C14orf180: variants seen among roughly 807,000 people sequenced by gnomAD.
C14orf180 encodes the protein chromosome 14 open reading frame 180, also known as nutritionally-regulated adipose and cardiac enriched protein homolog.
Under a neutral mutation model 13.9 loss-of-function variants are expected in C14orf180, and 13 were observed. The ratio of observed to expected loss-of-function variants is 0.94; its 90% CI spans 0.61 to 1.49. The LOEUF is 1.49. Ranked by LOEUF, C14orf180 falls within the 40% of genes most tolerant of loss-of-function variation. The probability of loss-of-function intolerance (pLI) is 0.00; values close to 1 mark genes in which losing one functional copy is unlikely to be tolerated. For missense variants in C14orf180, 238 were observed against 232.0 expected (o/e 1.03, Z -0.17); for synonymous variants, 113 against 106.3 (o/e 1.06, Z -0.39).
At chr14:104,588,175 T>C (rs1231288625) in intron 3 of C14orf180, 99 bp from the exon 4 acceptor site, 3 of 1,438,612 alleles carry the variant, frequency 2.1e-6, no homozygotes, top group Non-Finnish European at 2.9e-6. Context: ...TGATGAATAG[T>C]CTCAGGGTCC....
intron 1 of C14orf180, among the ~76,000 whole-genome samples, chr14:104,583,018 A>G (rs1343331604): frequency 6.6e-6 from 1 of 152,196 alleles, no homozygotes; most frequent in Non-Finnish European, 1.5e-5. Flanking sequence ...GACAGAGCCC[A>G]GGACTTGAGC....
intron 3 of C14orf180, among the ~76,000 whole-genome samples, 170 bp downstream of exon 3, chr14:104,588,048 T>C (rs1158058185): frequency 6.6e-6 from 1 of 152,190 alleles, no homozygotes; most frequent in Non-Finnish European, 1.5e-5. Context: ...TGGGGTCATC[T>C]GGACACACAG....
rs953769179 is a variant in C14orf180, at chr14:104,589,174, C to T, written c.*391C>T. 1 of 381,374 alleles carries T rather than the reference C, an allele frequency of 2.6e-6. No individual in the cohort carries two copies. Among genetic ancestry groups the T allele is most frequent in the Admixed American group, 4.6e-5 (1 of 21,706 alleles). The allele number at this position is 381,374 out of a possible 1,614,324, so 23.6% of individuals were successfully genotyped here. ...GTGCACCCTCTTGAGGAGGGGGACA[C>T]ACTGCCCGTGTTCAAGGGGCTGCTC... On this transcript the variant is annotated 3_prime_UTR_variant, in exon 5 of 5. Coordinates refer to ENST00000557649, the MANE Select transcript of C14orf180 (RefSeq NM_001008404.3). This position sits in a 1 kb window ranked among gnomAD's most constrained non-coding sequence, Gnocchi z 4.9.
intron 1 of C14orf180, among the ~76,000 whole-genome samples, chr14:104,583,128 G>A (rs1457837390): frequency 6.6e-6 from 1 of 152,158 alleles, no homozygotes; most frequent in Non-Finnish European, 1.5e-5. Flanking sequence ...CCACGTGAAG[G>A]TGCATCTCTG....
chr14:104,581,843 G>A (rs932523790), intron 1 of C14orf180, among the ~76,000 whole-genome samples: 2 of 152,118 alleles, frequency 1.3e-5, no homozygotes, highest in Non-Finnish European at 2.9e-5. Flanking sequence ...GCCTGCACTC[G>A]CTCAGGCCCC....
intron 3 of C14orf180, 47 bp from the exon 4 acceptor site, chr14:104,588,227 T>C (rs1272815187): frequency 6.2e-7 from 1 of 1,612,402 alleles, no homozygotes; most frequent in Non-Finnish European, 8.5e-7. Flanking sequence ...GGGCGCCCGA[T>C]GGACTGAGGC....
chr14:104,580,378 G>A (rs954733166), intron 1 of C14orf180, among the ~76,000 whole-genome samples: 2 of 152,190 alleles, frequency 1.3e-5, no homozygotes, highest in East Asian at 1.9e-4. Flanking sequence ...CAGGGAACAC[G>A]GCCACTTCAA....
rs1423618441 is a variant in C14orf180, at chr14:104,588,717, C to G, written c.417C>G (p.Leu139=). 2.6e-6 allele frequency: 4 copies of G among 1,535,618 alleles called. No individual in the cohort carries two copies. The highest frequency in any genetic ancestry group is 3.5e-6 in the Non-Finnish European group (4 of 1,146,366). Residue 139 remains leucine, a synonymous_variant, in exon 5 of 5, where the codon CTC becomes CTG. Transcript: ENST00000557649. ...CACTGGAGGACCTGCGGGCCCGGCT[C>G]CTCGGCCTTGTCCTGCACCTGCGGC... ...ATALEDLRAR[L]LGLVLHLRHV... is the part of the protein sequence containing the mutation.
At position 104,590,455 on chromosome 14, in the gene C14orf180, C is replaced by G. The variant is rs1015554738; in HGVS notation, c.*1672C>G. 6.6e-6 allele frequency: 1 copy of G among 152,280 alleles called. No homozygotes were observed. 9.4% of individuals were successfully genotyped at this position (152,280 alleles called of 1,614,324 possible). On this transcript the variant is annotated 3_prime_UTR_variant, in exon 5 of 5. Coordinates refer to ENST00000557649, the MANE Select transcript of C14orf180 (RefSeq NM_001008404.3). Reference sequence around the variant, plus strand: ...CGCTGCTGTCTGTCCACTGCAAAGGCAACGCAAGGACGTGCCTGGCTTTGC... The same window carrying G: ...CGCTGCTGTCTGTCCACTGCAAAGGGAACGCAAGGACGTGCCTGGCTTTGC...
intron 4 of C14orf180, 115 bp downstream of exon 4, chr14:104,588,424 T>A: frequency 6.6e-7 from 1 of 1,525,360 alleles, no homozygotes; most frequent in Non-Finnish European, 9.1e-7. Flanking sequence ...AGTCCCCAGT[T>A]GGGGAGCTCT....
At chr14:104,583,271 C>T (rs987991877) in intron 1 of C14orf180, among the ~76,000 whole-genome samples, 22 of 152,170 alleles carry the variant, frequency 1.4e-4, no homozygotes, top group African/African-American at 5.1e-4. Flanking sequence ...GGGGAAGGTG[C>T]ATCTCTGGAG....
chr14:104,586,444 C>T lies in C14orf180; in HGVS notation c.14C>T (p.Ala5Val). 2 of 1,536,662 alleles carry T rather than the reference C, an allele frequency of 1.3e-6. No homozygotes were observed. Among genetic ancestry groups the T allele is most frequent in the Non-Finnish European group, 1.8e-6 (2 of 1,140,062 alleles). Residue 5 changes from alanine (A) to valine (V), a missense_variant, in exon 2 of 5, where the codon GCA becomes GTA. Transcript: ENST00000557649. Reference protein sequence around the residue: MRTAAGAVSPDSRPE... With the variant: MRTAVGAVSPDSRPE... Reference sequence around the variant, plus strand: ...ATGTTCCAGTAAATGAGGACTGCAGCAGGAGCCGTGAGCCCTGACTCCCGG... The same window carrying T: ...ATGTTCCAGTAAATGAGGACTGCAGTAGGAGCCGTGAGCCCTGACTCCCGG...
intron 2 of C14orf180, 129 bp from the exon 3 acceptor site, chr14:104,587,620 A>G (rs965308166): frequency 3.2e-6 from 3 of 950,878 alleles, no homozygotes; most frequent in Non-Finnish European, 3.1e-6. Context: ...TGACAGGCCC[A>G]GCATAGCGCA....
At chr14:104,587,290 G>A (rs895124094) in intron 2 of C14orf180, among the ~76,000 whole-genome samples, 1 of 152,102 alleles carries the variant, frequency 6.6e-6, no homozygotes, top group African/African-American at 2.4e-5. Context: ...TGGGAGGCTC[G>A]GCCCCAGGGA....
intron 1 of C14orf180, among the ~76,000 whole-genome samples, chr14:104,582,642 C>A (rs888433554): frequency 6.6e-6 from 1 of 152,184 alleles, no homozygotes; most frequent in South Asian, 2.1e-4. Context: ...GTTTCCCCTC[C>A]GCCAGGGAGC....
intron 2 of C14orf180, 151 bp from the exon 3 acceptor site, chr14:104,587,598 C>A: frequency 1.3e-6 from 1 of 790,104 alleles, no homozygotes; most frequent in East Asian, 2.8e-5. Context: ...CTGCCCCTCA[C>A]CCTACAGGAA....
At chr14:104,582,767 G>A (rs1265144507) in intron 1 of C14orf180, among the ~76,000 whole-genome samples, 2 of 152,166 alleles carry the variant, frequency 1.3e-5, no homozygotes, top group Non-Finnish European at 2.9e-5. Flanking sequence ...TCGGGTGGAC[G>A]CGCCCTCCCC....
chr14:104,580,517 G>A (rs1886399971), intron 1 of C14orf180, among the ~76,000 whole-genome samples: 1 of 152,230 alleles, frequency 6.6e-6, no homozygotes, highest in Admixed American at 6.5e-5. Flanking sequence ...TGCCAGGCAT[G>A]AACCCAGCCA....
chr14:104,587,892 C>T lies in C14orf180; in HGVS notation c.241+14C>T, dbSNP rs775358570. The T allele has an allele frequency of 2.4e-5, 39 of 1,595,968 alleles. No homozygotes were observed. Among genetic ancestry groups the T allele is most frequent in the Middle Eastern group, 1.7e-4 (1 of 6,020 alleles). On this transcript the variant is annotated intron_variant, in intron 3 of 4. Transcript: ENST00000557649. ...TGACCGTCCACTGTAAGAGGGCACC[C>T]GCAGCAAGCAGCTGGGAGAGGGTGG...
Sources: allele counts gnomAD v4.1 joint callset (sites outside exome capture counted in the v4.1 genomes callset), GRCh38; gene constraint gnomAD v4.1.1; non-coding constraint Gnocchi (gnomAD v3.1); transcripts MANE v1.5; gene names NCBI Gene and HGNC (gene_info 2026-07-23, HGNC 2026-07-21).